SEZ6L2: variants seen among roughly 807,000 people sequenced by gnomAD.
SEZ6L2 encodes seizure 6-like protein 2.
In SEZ6L2, 44 loss-of-function variants were observed where a neutral mutation model predicts 97.0. The observed-to-expected ratio is 0.45, with a 90% confidence interval of 0.36 to 0.58. The LOEUF (loss-of-function observed/expected upper bound fraction) is 0.58, where lower values mean the gene tolerates loss of function less well. Ranked by LOEUF, SEZ6L2 falls within the 20% of genes least tolerant of loss-of-function variation. The pLI is 0.00. For synonymous variants in SEZ6L2, 543 were observed against 546.1 expected, an observed-to-expected ratio of 0.99 and a Z score of 0.08; for missense variants, 1,086 against 1,233.3, an observed-to-expected ratio of 0.88 and a Z score of 1.79.
intron 8 of SEZ6L2, among the ~76,000 whole-genome samples, chr16:29,884,220 G>A (rs537417429): frequency 3.3e-5 from 5 of 152,140 alleles, no homozygotes; most frequent in African/African-American, 9.7e-5. Context: ...ATCTTAGTCA[G>A]GTCAATGAAC....
chr16:29,873,689 G>A lies in SEZ6L2; in HGVS notation c.2145C>T (p.His715=). The change falls in exon 13 of 18, where the codon CAC becomes CAT. Residue 715 remains histidine (H), a synonymous_variant. Coordinates refer to ENST00000617533, the MANE Select transcript of SEZ6L2 (RefSeq NM_001243332.2). The surrounding 1 kb of genome is among the most constrained non-coding windows in gnomAD (Gnocchi z 4.3). The part of the protein sequence containing the change: ...CADPGEIANG[H]RTASDAGFPV... The stretch of plus-strand genomic sequence containing the variant: ...GGAAGCCGGCGTCCGAGGCGGTGCG[G>A]TGCCCGTTGGCAATCTCGCCAGGGT... 6.2e-7 allele frequency: 1 copy of A among 1,608,578 alleles called. No individual in the cohort carries two copies. Among genetic ancestry groups the A allele is most frequent in the Non-Finnish European group, 8.5e-7 (1 of 1,178,178 alleles).
chr16:29,897,518 G>A (rs974503862), intron 2 of SEZ6L2, among the ~76,000 whole-genome samples: 4 of 151,424 alleles, frequency 2.6e-5, no homozygotes, highest in Admixed American at 6.6e-5. Context: ...TTCATGATTC[G>A]AGATCCACTA....
intron 2 of SEZ6L2, 23 bp from the exon 3 acceptor site, chr16:29,897,144 A>G: frequency 6.6e-7 from 1 of 1,511,300 alleles, no homozygotes; most frequent in Non-Finnish European, 8.9e-7. Context: ...AGGGAATATC[A>G]GAGCACAGGA....
intron 5 of SEZ6L2, among the ~76,000 whole-genome samples, chr16:29,889,083 T>TAGC (rs1476000162): frequency 1.5e-5 from 2 of 133,308 alleles, no homozygotes; most frequent in Non-Finnish European, 3.2e-5. Context: ...GTAATAACAG[T>TAGC]ATTTGCAGAG....
chr16:29,893,563 T>A (rs575791054), intron 5 of SEZ6L2, among the ~76,000 whole-genome samples: 2 of 150,014 alleles, frequency 1.3e-5, no homozygotes, highest in Non-Finnish European at 3.0e-5. Context: ...AGGAGAATCA[T>A]CTGAAGCTAG....
rs764984609 is a variant in SEZ6L2, at chr16:29,873,504, C to A, written c.2296+34G>T. 7.4e-6 allele frequency: 12 copies of A among 1,613,950 alleles called. No homozygotes were observed. The highest frequency in any genetic ancestry group is 3.3e-5 in the Admixed American group (2 of 59,994). On this transcript the variant is annotated intron_variant, in intron 13 of 17. Transcript: ENST00000617533. The surrounding 1 kb of genome is among the most constrained non-coding windows in gnomAD (Gnocchi z 4.3). ...GGCAGACGGGCTCTCCCAGGGCTAC[C>A]CAGCCACCCTCCCAGGGTGTGCCCC... is the stretch of plus-strand genomic sequence containing the variant.
At position 29,876,675 on chromosome 16, in the gene SEZ6L2, G is replaced by A; in HGVS notation, c.2104+81C>T. On this transcript the variant is annotated intron_variant, in intron 12 of 17. Coordinates refer to ENST00000617533, the MANE Select transcript of SEZ6L2 (RefSeq NM_001243332.2). This position sits in a 1 kb window ranked among gnomAD's most constrained non-coding sequence, Gnocchi z 6.5. The stretch of plus-strand genomic sequence containing the variant: ...CGAAGGGATGGAACCCAGAAAGCAC[G>A]GGGGTCGGGACAGGACAGGCCGACG... 2.3e-6 allele frequency: 3 copies of A among 1,295,666 alleles called. No individual in the cohort carries two copies. Among genetic ancestry groups the A allele is most frequent in the Admixed American group, 2.6e-5 (1 of 38,510 alleles). The allele number at this position is 1,295,666 out of a possible 1,614,324, so 80.3% of individuals were successfully genotyped here. A position where few individuals can be genotyped will look rare whatever the true frequency, so the allele number is the denominator to read the frequency against.
At chr16:29,875,615 C>T (rs2067885101) in intron 12 of SEZ6L2, among the ~76,000 whole-genome samples, 1 of 151,804 alleles carries the variant, frequency 6.6e-6, no homozygotes, top group Non-Finnish European at 1.5e-5. Flanking sequence ...AAGTAACCAG[C>T]TGCCATTCCT....
chr16:29,891,715 T>G (rs2068276517), intron 5 of SEZ6L2, among the ~76,000 whole-genome samples: 1 of 152,142 alleles, frequency 6.6e-6, no homozygotes, highest in Admixed American at 6.5e-5. Flanking sequence ...CAAAGACCAC[T>G]GGATTTGTCA....
In SEZ6L2 at chr16:29,887,728, G is replaced by C. The variant is rs752385379; in HGVS notation, c.1129C>G (p.Arg377Gly). ...CCCTCAGCTGCTTCAATGACCCAAC[G>C]GCAGGTGAGGTTGGGCCCTACGGCT... Reference protein sequence around the residue: ...GGAVGPNLTCRWVIEAAEGRR... With the variant: ...GGAVGPNLTCGWVIEAAEGRR... The change falls in exon 7 of 18, where the codon CGT becomes GGT. Residue 377 changes from arginine to glycine, a missense_variant. Transcript: ENST00000617533. 6.2e-7 allele frequency: 1 copy of C among 1,613,038 alleles called. No individual in the cohort carries two copies. Among genetic ancestry groups the C allele is most frequent in the Non-Finnish European group, 8.5e-7 (1 of 1,179,464 alleles).
In SEZ6L2 at chr16:29,873,201, G is replaced by C. The variant is rs1388762159; in HGVS notation, c.2488+39C>G. The C allele has an allele frequency of 6.2e-7, 1 of 1,606,478 alleles. No homozygotes were observed. Among genetic ancestry groups the C allele is most frequent in the African/African-American group, 1.3e-5 (1 of 74,826 alleles). On this transcript the variant is annotated intron_variant, in intron 14 of 17. Coordinates refer to ENST00000617533, the MANE Select transcript of SEZ6L2 (RefSeq NM_001243332.2). This position sits in a 1 kb window ranked among gnomAD's most constrained non-coding sequence, Gnocchi z 4.3. ...ACTCTCCCAGCCCTGTCACTTCCCG[G>C]ACACTGGTGTGCCCCTCCTGCCCTG...
Position 29,872,501 on chromosome 16 carries a change from C to T in SEZ6L2, c.2553G>A (p.Arg851=), listed in dbSNP as rs1257344121. ...GGGCCAGGTTCCCCCCTTCCAGCTG[C>T]CGTGATGGATCTGTGGTCTGGGTCA... ...LEVTQTTDPS[R]QLEGGNLALA... Residue 851 remains arginine, a synonymous_variant, in exon 16 of 18, where the codon CGG becomes CGA. Transcript: ENST00000617533. The T allele has an allele frequency of 3.1e-6, 5 of 1,614,056 alleles. 1 individual carries two copies. In the Admixed American group the frequency reaches 6.7e-5, roughly 22 times the overall value.
chr16:29,873,710 A>C lies in SEZ6L2; in HGVS notation c.2124T>G (p.Pro708=), dbSNP rs755619376. 126 of 1,597,588 alleles carry C rather than the reference A, an allele frequency of 7.9e-5. No homozygotes were observed. The highest frequency in any genetic ancestry group is 9.8e-5 in the Non-Finnish European group (115 of 1,174,290). ...ACQKIMTCAD[P]GEIANGHRTA... Reference sequence around the variant, plus strand: ...TGCGGTGCCCGTTGGCAATCTCGCCAGGGTCAGCACAAGTCATGACTGGTG... The same window carrying C: ...TGCGGTGCCCGTTGGCAATCTCGCCCGGGTCAGCACAAGTCATGACTGGTG... The change falls in exon 13 of 18, where the codon CCT becomes CCG. Residue 708 remains proline (P), a synonymous_variant. Transcript: ENST00000617533. The surrounding 1 kb of genome is among the most constrained non-coding windows in gnomAD (Gnocchi z 4.3).
chr16:29,873,526 C>G lies in SEZ6L2; in HGVS notation c.2296+12G>C. 1.2e-6 allele frequency: 2 copies of G among 1,614,102 alleles called. No individual in the cohort carries two copies. The highest frequency in any genetic ancestry group is 1.7e-6 in the Non-Finnish European group (2 of 1,179,986). On this transcript the variant is annotated intron_variant, in intron 13 of 17. Coordinates refer to ENST00000617533, the MANE Select transcript of SEZ6L2 (RefSeq NM_001243332.2). This position sits in a 1 kb window ranked among gnomAD's most constrained non-coding sequence, Gnocchi z 4.3. ...TACCCAGCCACCCTCCCAGGGTGTG[C>G]CCCAGACTCACAGGCGCATTTGGGG... is the stretch of plus-strand genomic sequence containing the variant.
At chr16:29,892,071 T>C (rs74017645) in intron 5 of SEZ6L2, among the ~76,000 whole-genome samples, 10,045 of 152,220 alleles carry the variant, frequency 0.066, 964 homozygotes, top group East Asian at 0.32. Flanking sequence ...CAATGGCCAC[T>C]CTCAGGGTTT....
intron 4 of SEZ6L2, 125 bp from the exon 5 acceptor site, chr16:29,895,585 T>A: frequency 7.1e-7 from 1 of 1,416,894 alleles, no homozygotes. Flanking sequence ...GCCCAAGTTG[T>A]AGAAATCTAG....
At chr16:29,874,732 A>T (rs1162629027) in intron 12 of SEZ6L2, among the ~76,000 whole-genome samples, 1 of 151,246 alleles carries the variant, frequency 6.6e-6, no homozygotes, top group African/African-American at 2.4e-5. Flanking sequence ...TACCATGCCC[A>T]GCTAATTTTT....
chr16:29,880,862 A>G (rs2068015780), intron 8 of SEZ6L2, among the ~76,000 whole-genome samples: 1 of 151,764 alleles, frequency 6.6e-6, no homozygotes, highest in African/African-American at 2.4e-5. Flanking sequence ...TCTAGGCTCA[A>G]GTGATCCTCC....
chr16:29,883,195 T>C (rs958382338), intron 8 of SEZ6L2, among the ~76,000 whole-genome samples: 1 of 152,220 alleles, frequency 6.6e-6, no homozygotes, highest in African/African-American at 2.4e-5. Flanking sequence ...GTCTCTCTCT[T>C]GCTACTGTTT....
Sources: gnomAD v4.1 joint callset for allele counts (sites outside exome capture counted in the v4.1 genomes callset) on GRCh38, gnomAD v4.1.1 for gene constraint, Gnocchi (gnomAD v3.1) non-coding constraint, MANE v1.5 for transcripts, NCBI Gene and HGNC (gene_info 2026-07-23, HGNC 2026-07-21) for gene names.